Variants in ROBO2 observed in about 807,000 individuals in gnomAD.
ROBO2 encodes roundabout guidance receptor 2, also known as roundabout homolog 2.
A neutral mutation model predicts 160.8 loss-of-function variants in ROBO2; 53 were observed. The observed-to-expected ratio is 0.33, with a 90% confidence interval of 0.26 to 0.41. The LOEUF (loss-of-function observed/expected upper bound fraction) is 0.41, where lower values mean the gene tolerates loss of function less well. Among genes scored for constraint, ROBO2 ranks in the 10% least tolerant of loss-of-function variants. The pLI, the probability that ROBO2 is intolerant of heterozygous loss-of-function variation, is 1.00. For missense variants in ROBO2, 1,577 were observed against 1,722.4 expected (o/e 0.92, Z 1.49); for synonymous variants, 664 against 611.7 (o/e 1.09, Z -1.26).
chr3:76,862,074 GGAAAGAAGGAAGGAAGGAAA>G (rs950056213), intron 2 of ROBO2, among the ~76,000 whole-genome samples: 2 of 151,872 alleles, frequency 1.3e-5, no homozygotes, highest in South Asian at 2.1e-4. Context: ...AACGGTGGAA[GGAAAGAAGGAAGGAAGGAAA>G]GAAAGAAGGA....
intron 2 of ROBO2, among the ~76,000 whole-genome samples, chr3:76,866,364 A>G (rs538165992): frequency 6.6e-6 from 1 of 152,172 alleles, no homozygotes; most frequent in Non-Finnish European, 1.5e-5. Context: ...TCAATCACAT[A>G]AAGTGTTTAC....
At chr3:76,513,661 A>G (rs750787814) in intron 2 of ROBO2, among the ~76,000 whole-genome samples, 1 of 152,212 alleles carries the variant, frequency 6.6e-6, no homozygotes, top group Non-Finnish European at 1.5e-5. Flanking sequence ...TCATTATTTA[A>G]TTTTGTCTTA....
At chr3:76,824,366 G>A (rs933881022) in intron 2 of ROBO2, among the ~76,000 whole-genome samples, 2 of 152,090 alleles carry the variant, frequency 1.3e-5, no homozygotes, top group African/African-American at 4.8e-5. Context: ...CAGAGTGCTG[G>A]GATTATAGGC....
intron 2 of ROBO2, among the ~76,000 whole-genome samples, chr3:76,055,799 G>A (rs767119117): frequency 3.3e-5 from 5 of 151,704 alleles, no homozygotes; most frequent in South Asian, 4.2e-4. Context: ...TCGCTCTGTC[G>A]GCAGGCTGGA....
At chr3:76,859,276 G>A (rs2070478871) in intron 2 of ROBO2, among the ~76,000 whole-genome samples, 1 of 152,178 alleles carries the variant, frequency 6.6e-6, no homozygotes, top group Non-Finnish European at 1.5e-5. Flanking sequence ...TGCAAGGACT[G>A]TTCAAATTTT....
intron 2 of ROBO2, among the ~76,000 whole-genome samples, chr3:76,941,335 A>C (rs140632008): frequency 1.7e-3 from 252 of 152,238 alleles, no homozygotes; most frequent in African/African-American, 5.7e-3. Context: ...TTAATTCATC[A>C]CTGCATTTTA....
intron 2 of ROBO2, among the ~76,000 whole-genome samples, chr3:76,448,188 C>T (rs1431506283): frequency 6.6e-6 from 1 of 151,924 alleles, no homozygotes; most frequent in African/African-American, 2.4e-5. Context: ...CAAGGTGAGC[C>T]ACTTTGCAGA....
Position 76,804,640 on chromosome 3 carries a change from C to T in ROBO2, c.110-293374C>T, listed in dbSNP as rs538132069. Among the ~76,000 whole-genome samples the T allele has an allele frequency of 8.5e-5, 13 of 152,292 alleles. No individual in the cohort carries two copies. In the South Asian group the frequency reaches 1.9e-3, roughly 22 times the overall value. On this transcript the variant is annotated intron_variant, in intron 2 of 26. Coordinates refer to the ROBO2 transcript ENST00000487694. Reference sequence around the variant, plus strand: ...GCTATTTCTTGCCAATTATTAGCTTCGCAAACACTAGTAGATTTCTTAATA... The same window carrying T: ...GCTATTTCTTGCCAATTATTAGCTTTGCAAACACTAGTAGATTTCTTAATA...
At chr3:76,480,689 T>A (rs1439133959) in intron 2 of ROBO2, among the ~76,000 whole-genome samples, 1 of 152,148 alleles carries the variant, frequency 6.6e-6, no homozygotes, top group African/African-American at 2.4e-5. Flanking sequence ...GTGTCTCTTT[T>A]ATAAAGGCAT....
At chr3:76,075,196 CCACCTTGTGATGGCT>C (rs2068605334) in intron 2 of ROBO2, among the ~76,000 whole-genome samples, 1 of 151,866 alleles carries the variant, frequency 6.6e-6, no homozygotes, top group Admixed American at 6.6e-5. Context: ...TGTGCCAGGG[CCACCTTGTGATGGCT>C]CATCCAGTAT....
chr3:76,650,496 T>A (rs2091206037), intron 2 of ROBO2, among the ~76,000 whole-genome samples: 1 of 152,014 alleles, frequency 6.6e-6, no homozygotes, highest in African/African-American at 2.4e-5. Flanking sequence ...TTTTTTTATT[T>A]TTTTCTTTAT....
At chr3:76,750,001 G>T (rs1356703084) in intron 2 of ROBO2, among the ~76,000 whole-genome samples, 1 of 152,030 alleles carries the variant, frequency 6.6e-6, no homozygotes, top group East Asian at 1.9e-4. Context: ...CAGAAAAAGA[G>T]AATTTTAGAC....
At chr3:76,338,313 T>G (rs1300685385) in intron 2 of ROBO2, among the ~76,000 whole-genome samples, 1 of 152,152 alleles carries the variant, frequency 6.6e-6, no homozygotes, top group Admixed American at 6.6e-5. Flanking sequence ...AGTTTTAACT[T>G]TATCTCCAAG....
In ROBO2 at chr3:76,328,956, A is replaced by G. The variant is rs994986852; in HGVS notation, c.109+391354A>G. On this transcript the variant is annotated intron_variant, in intron 2 of 26. Coordinates refer to the ROBO2 transcript ENST00000487694. The stretch of plus-strand genomic sequence containing the variant: ...TGTTATTAGTTGTCATATGTCTCCA[A>G]CTTCATAAAGAATGACAGCTAGTAA... Among the ~76,000 whole-genome samples, 52 of 149,478 alleles carry G rather than the reference A, an allele frequency of 3.5e-4. No homozygotes were observed. In the Middle Eastern group the frequency reaches 0.011, roughly 32 times the overall value.
chr3:76,523,748 G>T (rs2107928867), intron 2 of ROBO2, among the ~76,000 whole-genome samples: 1 of 152,118 alleles, frequency 6.6e-6, no homozygotes, highest in African/African-American at 2.4e-5. Context: ...TTAATAGAAG[G>T]ATAAACAACC....
intron 5 of ROBO2, among the ~76,000 whole-genome samples, chr3:77,500,603 A>G (rs938726282): frequency 6.6e-6 from 1 of 152,226 alleles, no homozygotes; most frequent in Non-Finnish European, 1.5e-5. Flanking sequence ...ATGTCTTGAC[A>G]TTATAAAAAT....
intron 2 of ROBO2, among the ~76,000 whole-genome samples, chr3:76,258,989 A>G (rs1053371417): frequency 2.6e-5 from 4 of 152,068 alleles, no homozygotes; most frequent in Middle Eastern, 3.2e-3. Context: ...TCATTTAGTT[A>G]AAAAGACTAG....
intron 2 of ROBO2, among the ~76,000 whole-genome samples, chr3:77,407,246 G>A (rs1040023369): frequency 1.3e-5 from 2 of 152,000 alleles, no homozygotes; most frequent in African/African-American, 4.8e-5. Flanking sequence ...TGGGCTTTTG[G>A]TGGATTAAAA....
At chr3:76,435,495 T>C (rs545840619) in intron 2 of ROBO2, 2 of 664,444 alleles carry the variant, frequency 3.0e-6, no homozygotes, top group Non-Finnish European at 5.5e-6. Context: ...AAGATGGTTC[T>C]TTTCGCGATT....
Sources: gnomAD v4.1 joint callset for allele counts (sites outside exome capture counted in the v4.1 genomes callset) on GRCh38, gnomAD v4.1.1 for gene constraint, MANE v1.5 for transcripts, NCBI Gene and HGNC (gene_info 2026-07-23, HGNC 2026-07-21) for gene names.